The following HNF4G variants were observed in gnomAD, a reference collection of about 807,000 sequenced individuals.
The protein encoded by HNF4G is hepatocyte nuclear factor 4-gamma.
A neutral mutation model predicts 50.9 loss-of-function variants in HNF4G; 21 were observed. The ratio of observed to expected loss-of-function variants is 0.41; its 90% CI spans 0.29 to 0.59. HNF4G has a LOEUF of 0.59. HNF4G is among the 20% of genes least tolerant of loss of function. The pLI is 0.26. For missense variants in HNF4G, 527 were observed against 559.4 expected, an observed-to-expected ratio of 0.94 and a Z score of 0.58; for synonymous variants, 198 against 185.6, an observed-to-expected ratio of 1.07 and a Z score of -0.54.
At chr8:75,465,151 C>T (rs1216011658) in intron 1 of HNF4G, among the ~76,000 whole-genome samples, 1 of 152,106 alleles carries the variant, frequency 6.6e-6, no homozygotes, top group Non-Finnish European at 1.5e-5. Context: ...TACAGATAGC[C>T]TCATATAGGA....
At chr8:75,454,831 G>A (rs1811681753) in intron 1 of HNF4G, among the ~76,000 whole-genome samples, 1 of 152,010 alleles carries the variant, frequency 6.6e-6, no homozygotes. Flanking sequence ...GGTCCATGAG[G>A]GCAGGGAATA....
intron 2 of HNF4G, among the ~76,000 whole-genome samples, chr8:75,501,698 A>G (rs1373416039): frequency 6.6e-6 from 1 of 152,182 alleles, no homozygotes; most frequent in African/African-American, 2.4e-5. Context: ...TTTTAAAGAA[A>G]TGTTTTTTAA....
chr8:75,484,676 C>T (rs185358254), intron 1 of HNF4G, among the ~76,000 whole-genome samples: 47 of 152,316 alleles, frequency 3.1e-4, no homozygotes, highest in Middle Eastern at 6.8e-3. Context: ...TGTCTGTCCT[C>T]CCCAATAGAC....
chr8:75,553,214 T>G lies in HNF4G; in HGVS notation c.645+17T>G, dbSNP rs1234648835. On this transcript the variant is annotated intron_variant, in intron 5 of 9. Transcript: ENST00000396423. The stretch of plus-strand genomic sequence containing the variant: ...GATGATCAGGTACACATTTAAAACT[T>G]TATAAATGCTTTAAAAATGCTTCTT... The G allele has an allele frequency of 2.5e-6, 4 of 1,594,042 alleles. No homozygotes were observed. In the African/African-American group the frequency reaches 5.4e-5, roughly 22 times the overall value.
At chr8:75,560,014 A>G (rs1395791388) in intron 8 of HNF4G, among the ~76,000 whole-genome samples, 1 of 152,210 alleles carries the variant, frequency 6.6e-6, no homozygotes, top group Non-Finnish European at 1.5e-5. Flanking sequence ...TCATGCTATT[A>G]CAGTGATCCC....
Position 75,514,354 on chromosome 8 carries a change from CTT to C in HNF4G, c.-24+24156_-24+24157del, listed in dbSNP as rs36078375. On this transcript the variant is annotated intron_variant, in intron 2 of 10. Coordinates refer to the HNF4G transcript ENST00000354370. ...CTTTTTTTTCCTTTCTTTCTTCTTT[CTT>C]TTTTTTTTTCTTTCTTTTTTTTTTT... Among the ~76,000 whole-genome samples the C allele has an allele frequency of 6.6e-4, 82 of 125,040 alleles. 1 individual carries two copies. In the South Asian group the frequency reaches 7.4e-3, roughly 11 times the overall value. 82.0% of individuals were successfully genotyped at this position (125,040 alleles called of 152,430 possible).
chr8:75,471,601 C>T (rs1239367628), intron 1 of HNF4G, among the ~76,000 whole-genome samples: 1 of 152,120 alleles, frequency 6.6e-6, no homozygotes, highest in Non-Finnish European at 1.5e-5. Flanking sequence ...CCTTTGCCTC[C>T]TTCCTTCTTA....
At chr8:75,533,779 A>C (rs1357317199) in intron 2 of HNF4G, among the ~76,000 whole-genome samples, 10 of 151,884 alleles carry the variant, frequency 6.6e-5, no homozygotes, top group Admixed American at 6.6e-4. Flanking sequence ...ATCTCAATCA[A>C]ATATCACATT....
intron 2 of HNF4G, among the ~76,000 whole-genome samples, chr8:75,512,715 C>G (rs759989359): frequency 6.6e-6 from 1 of 152,040 alleles, no homozygotes; most frequent in Non-Finnish European, 1.5e-5. Context: ...CCGCCCGCCT[C>G]CACCTCCCGA....
chr8:75,428,529 G>A (rs554526472), intron 1 of HNF4G, among the ~76,000 whole-genome samples: 1 of 152,280 alleles, frequency 6.6e-6, no homozygotes, highest in South Asian at 2.1e-4. Flanking sequence ...CTATGCAATA[G>A]CTGATACAAT....
intron 7 of HNF4G, 41 bp from the exon 8 acceptor site, chr8:75,558,760 T>G: frequency 6.3e-7 from 1 of 1,582,258 alleles, no homozygotes; most frequent in Non-Finnish European, 8.7e-7. Context: ...ACACTGTAAT[T>G]AGGTTAAATC....
At chr8:75,495,928 T>C (rs1018966782) in intron 2 of HNF4G, among the ~76,000 whole-genome samples, 1 of 152,192 alleles carries the variant, frequency 6.6e-6, no homozygotes, top group South Asian at 2.1e-4. Flanking sequence ...ATTTCTATAT[T>C]ATTTTGTCCC....
At chr8:75,559,936 T>C (rs1350406273) in intron 8 of HNF4G, among the ~76,000 whole-genome samples, 2 of 152,198 alleles carry the variant, frequency 1.3e-5, no homozygotes, top group Non-Finnish European at 2.9e-5. Context: ...TGTAAAATCA[T>C]TATATTTATT....
intron 2 of HNF4G, among the ~76,000 whole-genome samples, chr8:75,507,034 T>G (rs906549423): frequency 1.3e-5 from 2 of 152,202 alleles, no homozygotes; most frequent in African/African-American, 4.8e-5. Flanking sequence ...AGATGATAGA[T>G]AGATAGACAG....
chr8:75,450,349 C>A (rs962177715), intron 1 of HNF4G, among the ~76,000 whole-genome samples: 3 of 152,032 alleles, frequency 2.0e-5, no homozygotes, highest in African/African-American at 7.2e-5. Context: ...ATATTTGATC[C>A]AATTCCAATC....
chr8:75,465,512 A>G (rs1487217504), intron 1 of HNF4G, among the ~76,000 whole-genome samples: 1 of 152,184 alleles, frequency 6.6e-6, no homozygotes, highest in Non-Finnish European at 1.5e-5. Context: ...AATAAATAGA[A>G]CCAATTATAT....
Position 75,556,071 on chromosome 8 carries a change from T to C in HNF4G, c.733+2T>C. The C allele has an allele frequency of 6.9e-7, 1 of 1,449,470 alleles. No homozygotes were observed. The highest frequency in any genetic ancestry group is 9.1e-7 in the Non-Finnish European group (1 of 1,098,428). 89.8% of individuals were successfully genotyped at this position (1,449,470 alleles called of 1,614,324 possible). A position where few individuals can be genotyped will look rare whatever the true frequency, so the allele number is the denominator to read the frequency against. Reference sequence around the variant, plus strand: ...TGTATAAAGATATTTTGCTTTTGGGTAAGTTTTTTTTTTTTAATTTAAGAA... The same window carrying C: ...TGTATAAAGATATTTTGCTTTTGGGCAAGTTTTTTTTTTTTAATTTAAGAA... On this transcript the variant is annotated splice_donor_variant, in intron 6 of 9. Transcript: ENST00000396423. LOFTEE classifies it high-confidence loss of function.
chr8:75,492,773 A>G (rs1272690014), intron 2 of HNF4G, among the ~76,000 whole-genome samples: 2 of 152,060 alleles, frequency 1.3e-5, no homozygotes, highest in Non-Finnish European at 2.9e-5. Flanking sequence ...CCTCACAGAA[A>G]CCACTCAAGG....
chr8:75,414,631 C>A (rs1287380038), intron 1 of HNF4G, among the ~76,000 whole-genome samples: 1 of 152,128 alleles, frequency 6.6e-6, no homozygotes, highest in African/African-American at 2.4e-5. Flanking sequence ...AATTTTATAT[C>A]CATGGGGTCA....
Sources: gnomAD v4.1 joint callset for allele counts (sites outside exome capture counted in the v4.1 genomes callset) on GRCh38, gnomAD v4.1.1 for gene constraint, MANE v1.5 for transcripts, NCBI Gene and HGNC (gene_info 2026-07-23, HGNC 2026-07-21) for gene names.